Variants in CLASP2 observed in about 807,000 individuals in gnomAD.
The protein encoded by CLASP2 is CLIP-associating protein 2.
CLASP2 carries 47 observed loss-of-function variants against 194.4 expected under a neutral mutation model. The ratio of observed to expected loss-of-function variants is 0.24; its 90% CI spans 0.19 to 0.31. The LOEUF (loss-of-function observed/expected upper bound fraction) is 0.31, where lower values mean the gene tolerates loss of function less well. CLASP2 is among the 10% of genes least tolerant of loss of function. The probability of loss-of-function intolerance (pLI) is 1.00; values close to 1 mark genes in which losing one functional copy is unlikely to be tolerated. For missense variants in CLASP2, 1,445 were observed against 1,823.6 expected (o/e 0.79, Z 3.78); for synonymous variants, 619 against 633.5 (o/e 0.98, Z 0.34).
At chr3:33,526,080 CT>C (rs530958434) in intron 34 of CLASP2, among the ~76,000 whole-genome samples, 736 of 143,932 alleles carry the variant, frequency 5.1e-3, no homozygotes, top group Admixed American at 8.4e-3. Context: ...GCTGCTTCTT[CT>C]TTTTTTTTTT....
rs1179890066 is a variant in CLASP2, at chr3:33,546,211, T to TC, written c.3154-1371dup. Reference sequence around the variant, plus strand: ...CTGTAGGGACAGACATCCCAATTGCTCCCAAACCATTTACCAATGAGTATA... The same window carrying TC: ...CTGTAGGGACAGACATCCCAATTGCTCCCCAAACCATTTACCAATGAGTATA... On this transcript the variant is annotated intron_variant, in intron 30 of 38. Coordinates refer to ENST00000682230, the MANE Select transcript of CLASP2 (RefSeq NM_001365631.1). Among the ~76,000 whole-genome samples, 8 of 152,292 alleles carry TC rather than the reference T, an allele frequency of 5.3e-5. No individual in the cohort carries two copies. In the East Asian group the frequency reaches 7.7e-4, roughly 15 times the overall value.
At chr3:33,506,076 G>T (rs2048091475) in intron 37 of CLASP2, among the ~76,000 whole-genome samples, 1 of 151,576 alleles carries the variant, frequency 6.6e-6, no homozygotes. Context: ...ATGATACTTA[G>T]AATTTGCTTT....
At chr3:33,581,445 C>T (rs781534055) in intron 23 of CLASP2, among the ~76,000 whole-genome samples, 119 of 152,138 alleles carry the variant, frequency 7.8e-4, no homozygotes, top group Middle Eastern at 3.4e-3. Context: ...TTAACATTTC[C>T]GCTGAAAAAG....
intron 1 of CLASP2, among the ~76,000 whole-genome samples, chr3:33,712,621 C>A (rs982343545): frequency 6.6e-6 from 1 of 151,884 alleles, no homozygotes; most frequent in Non-Finnish European, 1.5e-5. Context: ...AATGAGGTTC[C>A]GAATTTAGAG....
chr3:33,588,690 T>G, intron 21 of CLASP2: 1 of 702,146 alleles, frequency 1.4e-6, no homozygotes, highest in Non-Finnish European at 2.6e-6. Context: ...ACACATAAAG[T>G]CTATAGATTC....
chr3:33,509,074 G>T (rs777267039), intron 37 of CLASP2, among the ~76,000 whole-genome samples: 8 of 152,124 alleles, frequency 5.3e-5, no homozygotes, highest in Non-Finnish European at 7.3e-5. Flanking sequence ...AGTTGATACT[G>T]ATTCAGAGGC....
chr3:33,591,393 G>A (rs755363794), intron 21 of CLASP2, among the ~76,000 whole-genome samples: 1 of 152,170 alleles, frequency 6.6e-6, no homozygotes, highest in Non-Finnish European at 1.5e-5. Context: ...TGGGAGGATT[G>A]CGTGAGGCCA....
intron 7 of CLASP2, among the ~76,000 whole-genome samples, chr3:33,648,288 A>C (rs2154315973): frequency 6.6e-6 from 1 of 152,246 alleles, no homozygotes; most frequent in Non-Finnish European, 1.5e-5. Flanking sequence ...AGGTCACAAA[A>C]AGGTTAGGGA....
At chr3:33,545,297 T>C (rs765321187) in intron 30 of CLASP2, among the ~76,000 whole-genome samples, 15 of 152,222 alleles carry the variant, frequency 9.9e-5, no homozygotes, top group Admixed American at 2.0e-4. Context: ...AGAAAAGTTA[T>C]ACAATTCTTC....
intron 34 of CLASP2, among the ~76,000 whole-genome samples, chr3:33,528,642 G>A (rs2055280652): frequency 6.6e-6 from 1 of 152,024 alleles, no homozygotes; most frequent in Non-Finnish European, 1.5e-5. Flanking sequence ...TGTGCCTGTA[G>A]TCCCAGCTAC....
chr3:33,655,495 T>C (rs1240349865), intron 7 of CLASP2, among the ~76,000 whole-genome samples: 2 of 152,166 alleles, frequency 1.3e-5, no homozygotes, highest in Admixed American at 1.3e-4. Flanking sequence ...CCTGTATTAC[T>C]GCTAATGCCC....
intron 24 of CLASP2, 88 bp downstream of exon 24, chr3:33,576,081 C>T (rs1191335400): frequency 2.1e-6 from 2 of 956,902 alleles, no homozygotes; most frequent in African/African-American, 1.7e-5. Flanking sequence ...TTTTCCCCAA[C>T]CCCTTTCCCA....
chr3:33,663,197 C>CAAAAAAAA (rs60671856), intron 7 of CLASP2, among the ~76,000 whole-genome samples: 5 of 100,756 alleles, frequency 5.0e-5, no homozygotes, highest in Non-Finnish European at 6.0e-5. Flanking sequence ...GCAGTATCAC[C>CAAAAAAAA]AAAAAAAAAA....
intron 24 of CLASP2, 74 bp from the exon 25 acceptor site, chr3:33,573,428 A>G (rs1345070829): frequency 1.4e-6 from 2 of 1,448,572 alleles, no homozygotes; most frequent in Non-Finnish European, 1.9e-6. Flanking sequence ...TACTGACCAC[A>G]AAAGGATTGA....
intron 17 of CLASP2, 27 bp from the exon 18 acceptor site, chr3:33,603,152 T>C (rs1210837452): frequency 1.3e-6 from 2 of 1,515,470 alleles, no homozygotes; most frequent in African/African-American, 1.4e-5. Flanking sequence ...AAAGATAACT[T>C]ATATCATTTA....
At chr3:33,689,585 G>A (rs562886029) in intron 3 of CLASP2, 137 of 334,338 alleles carry the variant, frequency 4.1e-4, no homozygotes, top group African/African-American at 2.6e-3. Context: ...AACATAATCC[G>A]TATACTGTCA....
intron 6 of CLASP2, among the ~76,000 whole-genome samples, chr3:33,664,826 G>A (rs936884131): frequency 6.6e-6 from 1 of 152,172 alleles, no homozygotes; most frequent in African/African-American, 2.4e-5. Flanking sequence ...GAGGCTGGGC[G>A]TGGTGGCTCA....
intron 6 of CLASP2, among the ~76,000 whole-genome samples, chr3:33,674,012 C>T (rs1345641584): frequency 6.6e-6 from 1 of 152,168 alleles, no homozygotes; most frequent in African/African-American, 2.4e-5. Flanking sequence ...TAACACCCCA[C>T]TGTCAACATT....
chr3:33,678,219 G>T (rs1227492582), intron 6 of CLASP2, among the ~76,000 whole-genome samples: 1 of 151,976 alleles, frequency 6.6e-6, no homozygotes, highest in Admixed American at 6.6e-5. Context: ...CAATAATCAT[G>T]GAGAATTTCC....
Sources: allele counts gnomAD v4.1 joint callset (sites outside exome capture counted in the v4.1 genomes callset), GRCh38; gene constraint gnomAD v4.1.1; transcripts MANE v1.5; gene names NCBI Gene and HGNC (gene_info 2026-07-23, HGNC 2026-07-21).